The following CACNA2D1 variants were observed in gnomAD, a reference collection of about 807,000 sequenced individuals.
CACNA2D1 encodes voltage-dependent calcium channel subunit alpha-2/delta-1.
In CACNA2D1, 53 loss-of-function variants were observed where a neutral mutation model predicts 171.5. That is an observed-to-expected ratio of 0.31 (90% CI 0.25 to 0.39). The LOEUF (loss-of-function observed/expected upper bound fraction) is 0.39, where lower values mean the gene tolerates loss of function less well. Ranked by LOEUF, CACNA2D1 falls within the 10% of genes least tolerant of loss-of-function variation. The pLI is 1.00. For missense variants in CACNA2D1, 903 were observed against 1,299.8 expected, an observed-to-expected ratio of 0.69 and a Z score of 4.69; for synonymous variants, 442 against 443.1, an observed-to-expected ratio of 1.00 and a Z score of 0.03.
chr7:81,964,983 T>G (rs1794562328), intron 32 of CACNA2D1, among the ~76,000 whole-genome samples: 1 of 151,824 alleles, frequency 6.6e-6, no homozygotes, highest in African/African-American at 2.4e-5. Flanking sequence ...GAGAGCAGGC[T>G]GGCCTAGAAA....
chr7:82,309,333 G>A (rs1196678546), intron 3 of CACNA2D1, among the ~76,000 whole-genome samples: 3 of 152,186 alleles, frequency 2.0e-5, no homozygotes, highest in African/African-American at 7.2e-5. Context: ...TTGAACCTGG[G>A]AGGTGGGGGT....
chr7:82,012,911 ATTAAC>A (rs955395029), intron 14 of CACNA2D1, among the ~76,000 whole-genome samples: 9 of 152,136 alleles, frequency 5.9e-5, no homozygotes, highest in African/African-American at 9.6e-5. Context: ...AAATATTTAA[ATTAAC>A]TTAATTACTA....
At chr7:81,974,618 G>T in intron 24 of CACNA2D1, 66 bp from the exon 25 acceptor site, 1 of 797,726 alleles carries the variant, frequency 1.3e-6, no homozygotes, top group Non-Finnish European at 2.0e-6. Context: ...ATTAAAGGTA[G>T]TGAAAACACT....
intron 3 of CACNA2D1, among the ~76,000 whole-genome samples, chr7:82,203,360 C>G (rs576511306): frequency 1.4e-4 from 22 of 152,274 alleles, no homozygotes; most frequent in African/African-American, 5.1e-4. Flanking sequence ...TTGGCCAATG[C>G]CTTCTCTTCC....
intron 3 of CACNA2D1, among the ~76,000 whole-genome samples, chr7:82,199,811 G>C (rs1563192600): frequency 6.6e-6 from 1 of 151,998 alleles, no homozygotes. Flanking sequence ...CCAAAAAAAT[G>C]AGAAACATGA....
intron 3 of CACNA2D1, among the ~76,000 whole-genome samples, chr7:82,252,619 T>C (rs571468679): frequency 2.0e-5 from 3 of 152,050 alleles, no homozygotes; most frequent in Non-Finnish European, 2.9e-5. Flanking sequence ...TGGCCGGGCG[T>C]GGTGGCTCAC....
At chr7:82,341,891 CAAA>C (rs33984896) in intron 2 of CACNA2D1, among the ~76,000 whole-genome samples, 11 of 147,406 alleles carry the variant, frequency 7.5e-5, no homozygotes, top group Non-Finnish European at 9.0e-5. Context: ...ACTAAAAATA[CAAA>C]AAAAAAAAAA....
intron 31 of CACNA2D1, among the ~76,000 whole-genome samples, chr7:81,966,426 A>G (rs1046260864): frequency 2.0e-5 from 3 of 151,614 alleles, no homozygotes; most frequent in African/African-American, 7.3e-5. Flanking sequence ...TGTGAAATAG[A>G]TAAGTTACAA....
At chr7:82,358,235 T>C (rs550004922) in intron 1 of CACNA2D1, among the ~76,000 whole-genome samples, 7 of 152,294 alleles carry the variant, frequency 4.6e-5, no homozygotes, top group Non-Finnish European at 1.0e-4. Context: ...TCCACAGTGT[T>C]CCTGTAGTTG....
intron 4 of CACNA2D1, among the ~76,000 whole-genome samples, chr7:82,164,436 A>G (rs892088204): frequency 1.4e-5 from 2 of 138,992 alleles, no homozygotes; most frequent in Admixed American, 1.5e-4. Context: ...TAGACAAAAA[A>G]TCTAACATTG....
intron 3 of CACNA2D1, among the ~76,000 whole-genome samples, chr7:82,334,357 G>C (rs1337895367): frequency 6.6e-6 from 1 of 152,102 alleles, no homozygotes; most frequent in African/African-American, 2.4e-5. Context: ...TTACACATAA[G>C]TACTAGGAGA....
intron 6 of CACNA2D1, among the ~76,000 whole-genome samples, chr7:82,112,648 C>T (rs10226694): frequency 6.6e-6 from 1 of 152,106 alleles, no homozygotes; most frequent in African/African-American, 2.4e-5. Flanking sequence ...CTTTTTTACT[C>T]TGTTAAAGGT....
intron 21 of CACNA2D1, among the ~76,000 whole-genome samples, chr7:81,988,740 T>G (rs1797228879): frequency 6.6e-6 from 1 of 152,210 alleles, no homozygotes; most frequent in Admixed American, 6.5e-5. Context: ...TTCTCCAAAT[T>G]GAAATTCTTC....
chr7:82,309,697 C>T (rs1176275255), intron 3 of CACNA2D1, among the ~76,000 whole-genome samples: 1 of 152,096 alleles, frequency 6.6e-6, no homozygotes, highest in African/African-American at 2.4e-5. Flanking sequence ...GGAGAAGTGG[C>T]CATAGTAAGA....
chr7:82,389,419 T>C (rs958570592), intron 1 of CACNA2D1, among the ~76,000 whole-genome samples: 4 of 152,232 alleles, frequency 2.6e-5, no homozygotes, highest in South Asian at 2.1e-4. Context: ...CCAATATTCA[T>C]TTACGTATTA....
intron 1 of CACNA2D1, among the ~76,000 whole-genome samples, chr7:82,395,403 T>C (rs903380352): frequency 6.6e-6 from 1 of 152,218 alleles, no homozygotes; most frequent in African/African-American, 2.4e-5. Context: ...TTGCCAGGGG[T>C]TATCCACGGC....
chr7:82,248,262 T>C (rs1472544625), intron 3 of CACNA2D1, among the ~76,000 whole-genome samples: 1 of 152,240 alleles, frequency 6.6e-6, no homozygotes, highest in African/African-American at 2.4e-5. Flanking sequence ...TGTTGGAAGA[T>C]TTCCATAGAT....
At chr7:82,259,221 T>C (rs1235299081) in intron 3 of CACNA2D1, among the ~76,000 whole-genome samples, 2 of 72,192 alleles carry the variant, frequency 2.8e-5, no homozygotes, top group Admixed American at 2.3e-4. Context: ...AGATGAGAGA[T>C]AAATAGACAG....
At chr7:82,342,376 A>G (rs887869481) in intron 2 of CACNA2D1, among the ~76,000 whole-genome samples, 1 of 152,224 alleles carries the variant, frequency 6.6e-6, no homozygotes, top group African/African-American at 2.4e-5. Context: ...GCCTGGCACA[A>G]TCAATACCAA....
Sources: allele counts gnomAD v4.1 joint callset (sites outside exome capture counted in the v4.1 genomes callset), GRCh38; gene constraint gnomAD v4.1.1; transcripts MANE v1.5; gene names NCBI Gene and HGNC (gene_info 2026-07-23, HGNC 2026-07-21).